The following ZNF385D variants were observed in gnomAD, a reference collection of about 807,000 sequenced individuals.
ZNF385D encodes zinc finger protein 659.
Under a neutral mutation model 35.8 loss-of-function variants are expected in ZNF385D, and 15 were observed. The ratio of observed to expected loss-of-function variants is 0.42; its 90% CI spans 0.28 to 0.64. ZNF385D has a LOEUF of 0.64. ZNF385D is among the 30% of genes least tolerant of loss of function. The probability of loss-of-function intolerance (pLI) is 0.23; values close to 1 mark genes in which losing one functional copy is unlikely to be tolerated. For synonymous variants in ZNF385D, 212 were observed against 186.8 expected (o/e 1.13, Z -1.10); for missense variants, 474 against 494.6 (o/e 0.96, Z 0.39).
chr3:21,811,846 AATGGCTCATGG>A (rs1429663111), intron 3 of ZNF385D, among the ~76,000 whole-genome samples: 1 of 152,220 alleles, frequency 6.6e-6, no homozygotes, highest in African/African-American at 2.4e-5. Context: ...AATCATGTTA[AATGGCTCATGG>A]ATGGTGAATT....
At chr3:21,497,658 G>C (rs867812394) in intron 4 of ZNF385D, among the ~76,000 whole-genome samples, 5 of 152,062 alleles carry the variant, frequency 3.3e-5, no homozygotes, top group Non-Finnish European at 5.9e-5. Context: ...AGACCAGCCT[G>C]GGCAATATGG....
At position 22,179,109 on chromosome 3, in the gene ZNF385D, C is replaced by A. The variant is rs534324215; in HGVS notation, c.107-10074G>T. On this transcript the variant is annotated intron_variant, in intron 2 of 5. Coordinates refer to the ZNF385D transcript ENST00000494108. ...ATATGAACTTTAAAGTAGTTTTTTC[C>A]AGTTCTGTGAAGAAGGTCATTGGTA... Among the ~76,000 whole-genome samples, 9 of 152,150 alleles carry A rather than the reference C, an allele frequency of 5.9e-5. No homozygotes were observed. In the South Asian group the frequency reaches 1.9e-3, roughly 32 times the overall value.
At chr3:21,804,547 A>C (rs942950927) in intron 3 of ZNF385D, among the ~76,000 whole-genome samples, 5 of 152,184 alleles carry the variant, frequency 3.3e-5, no homozygotes, top group African/African-American at 4.8e-5. Context: ...GCCTTGCCTA[A>C]GGAGAAAGTT....
chr3:21,843,457 G>A (rs905966725), intron 3 of ZNF385D, among the ~76,000 whole-genome samples: 2 of 151,942 alleles, frequency 1.3e-5, no homozygotes, highest in African/African-American at 2.4e-5. Flanking sequence ...AGTGAGCTCA[G>A]GAGATACAAA....
exon 2 of ZNF385D, chr3:22,372,601 G>C: frequency 2.3e-6 from 2 of 875,330 alleles, no homozygotes; most frequent in Non-Finnish European, 2.7e-6. Flanking sequence ...GAGACGCACG[G>C]CTGCCCGCCT....
chr3:21,869,124 A>C (rs1684510), intron 3 of ZNF385D, among the ~76,000 whole-genome samples: 69,203 of 151,886 alleles, frequency 0.46, 16,116 homozygotes, highest in African/African-American at 0.53. Context: ...TCGAGGGACC[A>C]AGAAACAACG....
chr3:22,158,837 G>A (rs1404367648), intron 3 of ZNF385D, among the ~76,000 whole-genome samples: 4 of 151,936 alleles, frequency 2.6e-5, no homozygotes, highest in Non-Finnish European at 5.9e-5. Context: ...AACTTGTTAA[G>A]GGCGTAAATC....
At chr3:21,686,127 G>A (rs1038791460) in intron 1 of ZNF385D, among the ~76,000 whole-genome samples, 1 of 152,160 alleles carries the variant, frequency 6.6e-6, no homozygotes, top group African/African-American at 2.4e-5. Context: ...AAATAGCACA[G>A]TGGAAATTTA....
At chr3:22,303,710 A>C (rs1322527363) in intron 2 of ZNF385D, among the ~76,000 whole-genome samples, 1 of 152,104 alleles carries the variant, frequency 6.6e-6, no homozygotes, top group African/African-American at 2.4e-5. Flanking sequence ...TAATGTAAAA[A>C]ATCATATGCT....
At chr3:21,706,235 G>A (rs967017181) in intron 1 of ZNF385D, among the ~76,000 whole-genome samples, 2 of 151,340 alleles carry the variant, frequency 1.3e-5, no homozygotes, top group Non-Finnish European at 2.9e-5. Flanking sequence ...CAAAACTCTT[G>A]TTGAGAAATT....
intron 6 of ZNF385D, among the ~76,000 whole-genome samples, chr3:21,424,318 T>TATATATATATA (rs375587956): frequency 7.4e-4 from 31 of 41,814 alleles, no homozygotes; most frequent in African/African-American, 2.8e-3. Context: ...TATATATATA[T>TATATATATATA]TTTTTTTTTT....
At chr3:21,721,720 C>A (rs1213789248) in intron 1 of ZNF385D, among the ~76,000 whole-genome samples, 1 of 152,172 alleles carries the variant, frequency 6.6e-6, no homozygotes, top group Non-Finnish European at 1.5e-5. Flanking sequence ...CACAAAGCCT[C>A]TCCACTTTAT....
chr3:22,059,689 A>C (rs1699594471), intron 3 of ZNF385D, among the ~76,000 whole-genome samples: 1 of 152,160 alleles, frequency 6.6e-6, no homozygotes, highest in African/African-American at 2.4e-5. Context: ...ACCCCATATA[A>C]GTTTCAAAGA....
intron 2 of ZNF385D, among the ~76,000 whole-genome samples, chr3:22,323,342 G>A (rs1437583146): frequency 1.3e-5 from 2 of 152,124 alleles, no homozygotes; most frequent in African/African-American, 4.8e-5. Flanking sequence ...TATCTCTGAT[G>A]CTAATAAGGC....
intron 4 of ZNF385D, among the ~76,000 whole-genome samples, chr3:21,489,147 C>T (rs890491459): frequency 6.6e-6 from 1 of 152,062 alleles, no homozygotes; most frequent in African/African-American, 2.4e-5. Context: ...AACAGAAACA[C>T]ACACACACTA....
chr3:21,559,266 T>A (rs1367756235), intron 3 of ZNF385D, among the ~76,000 whole-genome samples: 1 of 152,198 alleles, frequency 6.6e-6, no homozygotes, highest in African/African-American at 2.4e-5. Context: ...GTGTCGATGG[T>A]CTTTACAATT....
chr3:22,096,181 A>G (rs556308735), intron 3 of ZNF385D, among the ~76,000 whole-genome samples: 45 of 152,002 alleles, frequency 3.0e-4, no homozygotes, highest in Non-Finnish European at 5.9e-4. Context: ...GCAGGGAGAG[A>G]AGGAGACAAG....
intron 2 of ZNF385D, among the ~76,000 whole-genome samples, chr3:21,572,269 G>T (rs894566928): frequency 6.6e-5 from 10 of 152,114 alleles, no homozygotes; most frequent in African/African-American, 2.4e-4. Flanking sequence ...TACAATACTT[G>T]TACATCCTTG....
chr3:21,676,470 T>C (rs975118335), intron 1 of ZNF385D, among the ~76,000 whole-genome samples: 2 of 152,072 alleles, frequency 1.3e-5, no homozygotes, highest in African/African-American at 4.8e-5. Context: ...ATTGTAGTAA[T>C]TGTGGAATCC....
Sources: allele counts gnomAD v4.1 joint callset (sites outside exome capture counted in the v4.1 genomes callset), GRCh38; gene constraint gnomAD v4.1.1; transcripts MANE v1.5; gene names NCBI Gene and HGNC (gene_info 2026-07-23, HGNC 2026-07-21).